AKAP6: variants seen among roughly 807,000 people sequenced by gnomAD.
The protein encoded by AKAP6 is A-kinase anchoring protein 6, also known as A-kinase anchor protein 6.
A neutral mutation model predicts 188.5 loss-of-function variants in AKAP6; 58 were observed. That is an observed-to-expected ratio of 0.31 (90% CI 0.25 to 0.38). The LOEUF is 0.38. AKAP6 is among the 10% of genes least tolerant of loss of function. The pLI, the probability that AKAP6 is intolerant of heterozygous loss-of-function variation, is 1.00. For missense variants in AKAP6, 2,710 were observed against 2,740.0 expected, an observed-to-expected ratio of 0.99 and a Z score of 0.24; for synonymous variants, 989 against 998.6, an observed-to-expected ratio of 0.99 and a Z score of 0.18.
intron 5 of AKAP6, among the ~76,000 whole-genome samples, chr14:32,583,934 G>T (rs549950889): frequency 2.6e-5 from 4 of 152,204 alleles, no homozygotes; most frequent in South Asian, 4.1e-4. Context: ...ATTCCCGAGG[G>T]AGGCAATGCC....
intron 10 of AKAP6, 69 bp downstream of exon 10, chr14:32,732,669 A>C: frequency 6.5e-7 from 1 of 1,539,178 alleles, no homozygotes; most frequent in South Asian, 1.1e-5. Context: ...ACTCTGTCCG[A>C]TTTCTAATTT....
intron 2 of AKAP6, among the ~76,000 whole-genome samples, chr14:32,434,453 GT>G (rs1464627209): frequency 1.3e-5 from 2 of 152,090 alleles, no homozygotes; most frequent in African/African-American, 2.4e-5. Flanking sequence ...TACTAATAGC[GT>G]TTTTGGCCTA....
chr14:32,560,314 C>G (rs542555684), intron 4 of AKAP6, among the ~76,000 whole-genome samples: 1 of 152,040 alleles, frequency 6.6e-6, no homozygotes, highest in African/African-American at 2.4e-5. Flanking sequence ...AGGATCATTG[C>G]GCAAGGTTGG....
intron 1 of AKAP6, among the ~76,000 whole-genome samples, chr14:32,396,691 G>C (rs960646930): frequency 6.6e-6 from 1 of 152,112 alleles, no homozygotes. Flanking sequence ...TTTGTATGCA[G>C]ATGTGAGACT....
intron 11 of AKAP6, among the ~76,000 whole-genome samples, chr14:32,756,889 C>T (rs79172176): frequency 0.012 from 1,781 of 152,160 alleles, 34 homozygotes; most frequent in African/African-American, 0.041. Context: ...TGAAGTTGCA[C>T]GTGCTGACCT....
chr14:32,579,590 A>G (rs925524119), intron 5 of AKAP6, among the ~76,000 whole-genome samples: 3 of 152,110 alleles, frequency 2.0e-5, no homozygotes, highest in South Asian at 2.1e-4. Flanking sequence ...TTAAAGCGCA[A>G]TCAAGAGCTA....
chr14:32,651,235 T>C (rs1243351069), intron 7 of AKAP6, among the ~76,000 whole-genome samples: 3 of 152,130 alleles, frequency 2.0e-5, no homozygotes. Flanking sequence ...TCCTCCACAT[T>C]CCCACTACTT....
chr14:32,548,985 A>G (rs189573709), intron 4 of AKAP6, among the ~76,000 whole-genome samples: 2 of 152,324 alleles, frequency 1.3e-5, no homozygotes, highest in Admixed American at 1.3e-4. Context: ...GGATAAAGGT[A>G]TAGTGCATAT....
At chr14:32,734,055 T>G (rs550731267) in intron 10 of AKAP6, 1 of 152,258 alleles carries the variant, frequency 6.6e-6, no homozygotes, top group Non-Finnish European at 1.5e-5. Flanking sequence ...TAGCTATCCT[T>G]TATGAATCAG....
At chr14:32,725,330 A>T (rs2030815902) in intron 9 of AKAP6, among the ~76,000 whole-genome samples, 1 of 152,194 alleles carries the variant, frequency 6.6e-6, no homozygotes, top group Admixed American at 6.5e-5. Context: ...GACTTCTTTC[A>T]CAGCTATTTA....
intron 7 of AKAP6, among the ~76,000 whole-genome samples, chr14:32,611,437 CT>C (rs1372134023): frequency 6.6e-6 from 1 of 152,098 alleles, no homozygotes; most frequent in African/African-American, 2.4e-5. Context: ...ACTCTGTGTT[CT>C]TGTGTAACAG....
intron 2 of AKAP6, among the ~76,000 whole-genome samples, chr14:32,507,441 G>C (rs1032827600): frequency 3.3e-5 from 5 of 152,136 alleles, no homozygotes; most frequent in Middle Eastern, 3.4e-3. Flanking sequence ...TTAAAATAAG[G>C]GTGTTGGAAA....
In AKAP6 at chr14:32,813,747, TA is replaced by T. The variant is rs552293550; in HGVS notation, c.3589-7654del. ...AGAAAGGGAAGAAAAGAAATCCTTA[TA>T]TTTTTTTGTATTGCTCTTTCTTCTC... On this transcript the variant is annotated intron_variant, in intron 12 of 13. Coordinates refer to ENST00000280979, the MANE Select transcript of AKAP6 (RefSeq NM_004274.5). Among the ~76,000 whole-genome samples, 57 of 152,316 alleles carry T rather than the reference TA, an allele frequency of 3.7e-4. No homozygotes were observed. The South Asian group carries it at 9.5e-3, about 25-fold the overall frequency.
At chr14:32,346,595 G>A (rs1011795436) in intron 1 of AKAP6, among the ~76,000 whole-genome samples, 6 of 152,142 alleles carry the variant, frequency 3.9e-5, no homozygotes, top group African/African-American at 7.2e-5. Context: ...TGAAAGCTCC[G>A]CCTCCCGGGT....
intron 12 of AKAP6, among the ~76,000 whole-genome samples, chr14:32,808,807 G>T (rs1320846014): frequency 6.6e-6 from 1 of 151,980 alleles, no homozygotes; most frequent in African/African-American, 2.4e-5. Context: ...CCATATTCAG[G>T]TCTTCATGTT....
At chr14:32,660,868 A>G (rs1238594170) in intron 7 of AKAP6, among the ~76,000 whole-genome samples, 1 of 151,262 alleles carries the variant, frequency 6.6e-6, no homozygotes, top group East Asian at 2.0e-4. Flanking sequence ...TGGGACCTAG[A>G]TAAAATTTAA....
chr14:32,431,422 G>T (rs906487514), intron 1 of AKAP6, among the ~76,000 whole-genome samples: 1 of 152,154 alleles, frequency 6.6e-6, no homozygotes, highest in Admixed American at 6.5e-5. Context: ...TCTAAGGCAG[G>T]TATCAAAGTG....
chr14:32,710,361 GCTAT>G (rs1248132393), intron 9 of AKAP6, among the ~76,000 whole-genome samples: 3 of 151,930 alleles, frequency 2.0e-5, no homozygotes, highest in African/African-American at 4.8e-5. Context: ...TGTATATGTG[GCTAT>G]CTATTTTTAA....
At chr14:32,417,062 G>A (rs144666833) in intron 1 of AKAP6, among the ~76,000 whole-genome samples, 1 of 151,588 alleles carries the variant, frequency 6.6e-6, no homozygotes, top group Non-Finnish European at 1.5e-5. Context: ...GGCTGGTCTC[G>A]AGCTCCTGTT....
Sources: gnomAD v4.1 joint callset for allele counts (sites outside exome capture counted in the v4.1 genomes callset) on GRCh38, gnomAD v4.1.1 for gene constraint, MANE v1.5 for transcripts, NCBI Gene and HGNC (gene_info 2026-07-23, HGNC 2026-07-21) for gene names.